PRKG1: variants seen among roughly 807,000 people sequenced by gnomAD.
PRKG1 encodes cGMP-dependent protein kinase 1.
Under a neutral mutation model 88.1 loss-of-function variants are expected in PRKG1, and 35 were observed. That is an observed-to-expected ratio of 0.40 (90% CI 0.30 to 0.53). PRKG1 has a LOEUF of 0.53. Ranked by LOEUF, PRKG1 falls within the 20% of genes least tolerant of loss-of-function variation. PRKG1 has a pLI of 0.59. For missense variants in PRKG1, 540 were observed against 839.8 expected (o/e 0.64, Z 4.41); for synonymous variants, 303 against 292.5 (o/e 1.04, Z -0.37).
chr10:51,100,947 G>C (rs1347546030), intron 1 of PRKG1, among the ~76,000 whole-genome samples: 3 of 152,144 alleles, frequency 2.0e-5, no homozygotes, highest in Non-Finnish European at 4.4e-5. Context: ...TATGCCTCTT[G>C]TCACGAATGC....
rs1842398422 is a variant in PRKG1, at chr10:52,297,000, T to C, written c.*3100T>C. 1 of 152,082 alleles carries C rather than the reference T, an allele frequency of 6.6e-6. No homozygotes were observed. The allele number at this position is 152,082 out of a possible 1,614,324, so 9.4% of individuals were successfully genotyped here. On this transcript the variant is annotated 3_prime_UTR_variant, in exon 18 of 18. Transcript: ENST00000373980. ...CATTTCTAAATGACTGAACTGATGG[T>C]AAACAAATTTAATGAAGTCAGCTAC...
At chr10:51,519,098 A>T (rs931864286) in intron 3 of PRKG1, among the ~76,000 whole-genome samples, 1 of 152,226 alleles carries the variant, frequency 6.6e-6, no homozygotes, top group Non-Finnish European at 1.5e-5. Context: ...AAGAAGTTTG[A>T]ATCATTCAAC....
intron 5 of PRKG1, among the ~76,000 whole-genome samples, chr10:52,018,021 C>T (rs1215466438): frequency 6.6e-6 from 1 of 151,652 alleles, no homozygotes; most frequent in African/African-American, 2.4e-5. Flanking sequence ...GTGTAAGCAT[C>T]GATTTGCCTA....
chr10:51,913,861 T>C (rs1842279404), intron 5 of PRKG1, among the ~76,000 whole-genome samples: 1 of 152,200 alleles, frequency 6.6e-6, no homozygotes, highest in African/African-American at 2.4e-5. Context: ...GGTGCAAGTA[T>C]GGAACAGAAA....
intron 1 of PRKG1, among the ~76,000 whole-genome samples, chr10:51,017,419 C>T (rs1241299904): frequency 2.6e-5 from 4 of 152,056 alleles, no homozygotes; most frequent in African/African-American, 4.8e-5. Flanking sequence ...TTTCAAAAAT[C>T]ATTTATTGAA....
chr10:52,280,653 T>G, intron 12 of PRKG1, 136 bp from the exon 13 acceptor site: 1 of 899,282 alleles, frequency 1.1e-6, no homozygotes, highest in Admixed American at 2.7e-5. Context: ...GGCAATCATG[T>G]AACATTTAGC....
At chr10:51,579,459 G>A (rs1837974920) in intron 3 of PRKG1, among the ~76,000 whole-genome samples, 1 of 152,092 alleles carries the variant, frequency 6.6e-6, no homozygotes, top group Admixed American at 6.6e-5. Context: ...TGAGTTTTGT[G>A]ATACTGTTAG....
chr10:51,700,483 T>A (rs546587809), intron 3 of PRKG1, among the ~76,000 whole-genome samples: 1 of 152,228 alleles, frequency 6.6e-6, no homozygotes, highest in Non-Finnish European at 1.5e-5. Context: ...ATGCAGTGAG[T>A]CCACCACTTC....
chr10:51,474,265 C>T (rs1471570491), intron 3 of PRKG1, among the ~76,000 whole-genome samples: 2 of 151,974 alleles, frequency 1.3e-5, no homozygotes, highest in African/African-American at 4.8e-5. Context: ...TATTGCTCTA[C>T]TATCACAAGC....
At chr10:52,244,670 TTTA>T (rs199767178) in intron 9 of PRKG1, among the ~76,000 whole-genome samples, 33,711 of 140,248 alleles carry the variant, frequency 0.24, 4,436 homozygotes, top group Admixed American at 0.28. Context: ...AAATAAAATA[TTTA>T]TTATTATATA....
rs1013643470 is a variant in PRKG1 at position 52,212,282 on chromosome 10, G to A, written c.1077-39288G>A. Among the ~76,000 whole-genome samples, 7 of 152,264 alleles carry A rather than the reference G, an allele frequency of 4.6e-5. No homozygotes were observed. In the East Asian group the frequency reaches 7.7e-4, roughly 17 times the overall value. ...TCGGCCACCAGTGATTGGCCTAAGC[G>A]CTCTGACTGATAGAAAAGTAGGTTA... On this transcript the variant is annotated intron_variant, in intron 9 of 17. Coordinates refer to ENST00000373980, the MANE Select transcript of PRKG1 (RefSeq NM_006258.4).
intron 4 of PRKG1, among the ~76,000 whole-genome samples, chr10:51,882,364 ATCT>A (rs1430219607): frequency 1.3e-5 from 2 of 152,176 alleles, no homozygotes; most frequent in Admixed American, 6.5e-5. Context: ...TCATAAATAA[ATCT>A]TCTTGCTACC....
chr10:51,673,235 A>G (rs2132352874), intron 3 of PRKG1, among the ~76,000 whole-genome samples: 1 of 152,312 alleles, frequency 6.6e-6, no homozygotes, highest in Middle Eastern at 3.4e-3. Context: ...TAAAATATGA[A>G]AGGTGGTGAC....
At chr10:52,242,597 T>G (rs1004237719) in intron 9 of PRKG1, among the ~76,000 whole-genome samples, 1 of 152,108 alleles carries the variant, frequency 6.6e-6, no homozygotes, top group Non-Finnish European at 1.5e-5. Context: ...TGGACCTTTT[T>G]TAGAAAAAGA....
Position 52,086,326 on chromosome 10 carries a change from A to G in PRKG1, c.935+23695A>G, listed in dbSNP as rs141390954. 6.5e-3 allele frequency among the ~76,000 whole-genome samples: 977 copies of G among 150,636 alleles called. 9 individuals carry two copies. The highest frequency in any genetic ancestry group is 0.023 in the African/African-American group (944 of 41,440). ...TGTTTTCTAGTTACCTCTTTCTTAC[A>G]CTAAAAGTAGCACACTATACACTTT... On this transcript the variant is annotated intron_variant, in intron 7 of 17. Coordinates refer to ENST00000373980, the MANE Select transcript of PRKG1 (RefSeq NM_006258.4).
chr10:52,082,478 A>G (rs1846802911), intron 7 of PRKG1, among the ~76,000 whole-genome samples: 2 of 152,272 alleles, frequency 1.3e-5, no homozygotes, highest in South Asian at 2.1e-4. Flanking sequence ...AAATAACCCT[A>G]TCATGACCAT....
chr10:51,171,775 T>G (rs2132008869), intron 2 of PRKG1, among the ~76,000 whole-genome samples: 1 of 152,222 alleles, frequency 6.6e-6, no homozygotes. Flanking sequence ...CCTAAGCAAC[T>G]TAAGGTCAGG....
At chr10:51,592,832 A>T (rs1838346879) in intron 3 of PRKG1, among the ~76,000 whole-genome samples, 1 of 152,162 alleles carries the variant, frequency 6.6e-6, no homozygotes, top group South Asian at 2.1e-4. Context: ...TCATGAAGGG[A>T]ACATATAGAA....
rs117731358 is a variant in PRKG1, at chr10:51,349,808, T to C, written c.479-117915T>C. On this transcript the variant is annotated intron_variant, in intron 2 of 17. Coordinates refer to ENST00000373980, the MANE Select transcript of PRKG1 (RefSeq NM_006258.4). ...AGATGTGAACCACATACAGATACCA[T>C]GTATGTGTATCTTTAAGCTGAGTAC... Among the ~76,000 whole-genome samples, 1,073 of 152,242 alleles carry C rather than the reference T, an allele frequency of 7.0e-3. 6 individuals are homozygous for C. The highest frequency in any genetic ancestry group is 0.014 in the Middle Eastern group (4 of 294).
Sources: allele counts gnomAD v4.1 joint callset (sites outside exome capture counted in the v4.1 genomes callset), GRCh38; gene constraint gnomAD v4.1.1; transcripts MANE v1.5; gene names NCBI Gene and HGNC (gene_info 2026-07-23, HGNC 2026-07-21).